The following BCAS3 variants were observed in gnomAD, a reference collection of about 807,000 sequenced individuals.
BCAS3 encodes the protein BCAS3 microtubule associated cell migration factor.
In BCAS3, 53 loss-of-function variants were observed where a neutral mutation model predicts 116.1. That is an observed-to-expected ratio of 0.46 (90% confidence interval 0.37 to 0.57). BCAS3 has a LOEUF of 0.57. Ranked by LOEUF, BCAS3 falls within the 20% of genes least tolerant of loss-of-function variation. The pLI is 0.00. For synonymous variants in BCAS3, 391 were observed against 408.2 expected, an observed-to-expected ratio of 0.96 and a Z score of 0.51; for missense variants, 917 against 1,165.4, an observed-to-expected ratio of 0.79 and a Z score of 3.10.
chr17:61,083,353 T>C lies in BCAS3; in HGVS notation c.2328-1114T>C, dbSNP rs569271165. On this transcript the variant is annotated intron_variant, in intron 21 of 23. Transcript: ENST00000407086. The surrounding 1 kb of genome is among the most constrained non-coding windows in gnomAD (Gnocchi z 4.9). ...CATATATATACACATTGGTCTGTAT[T>C]TTATGTTTTGTTTCTGCTTGTTCTC... Among the ~76,000 whole-genome samples, 4 of 118,582 alleles carry C rather than the reference T, an allele frequency of 3.4e-5. No individual in the cohort carries two copies. In the South Asian group the frequency reaches 8.5e-4, roughly 25 times the overall value. 77.8% of individuals were successfully genotyped at this position (118,582 alleles called of 152,430 possible). A position where few individuals can be genotyped will look rare whatever the true frequency, so the allele number is the denominator to read the frequency against.
In BCAS3 at chr17:61,376,842, G is replaced by A. The variant is rs1326028753; in HGVS notation, c.2593+8348G>A. On this transcript the variant is annotated intron_variant, in intron 23 of 23. Coordinates refer to ENST00000407086, the MANE Select transcript of BCAS3 (RefSeq NM_017679.5). This position sits in a 1 kb window ranked among gnomAD's most constrained non-coding sequence, Gnocchi z 4.5. ...GCCCTGGAGTTTTCCTCCTTCTACA[G>A]CATCTACAAAAGTTCTCTCAGTGTC... Among the ~76,000 whole-genome samples, 1 of 152,172 alleles carries A rather than the reference G, an allele frequency of 6.6e-6. No individual in the cohort carries two copies. Among genetic ancestry groups the A allele is most frequent in the African/African-American group, 2.4e-5 (1 of 41,436 alleles).
In BCAS3 at chr17:61,229,129, T is replaced by G. The variant is rs2082523628; in HGVS notation, c.2426-139198T>G. 6.6e-6 allele frequency among the ~76,000 whole-genome samples: 1 copy of G among 152,190 alleles called. No homozygotes were observed. The highest frequency in any genetic ancestry group is 1.5e-5 in the Non-Finnish European group (1 of 68,034). On this transcript the variant is annotated intron_variant, in intron 22 of 23. Coordinates refer to ENST00000407086, the MANE Select transcript of BCAS3 (RefSeq NM_017679.5). This position sits in a 1 kb window ranked among gnomAD's most constrained non-coding sequence, Gnocchi z 4.4. The stretch of plus-strand genomic sequence containing the variant: ...GTTGGCCTCAAGCAATCCTCTTGCC[T>G]CGGCCTCCCAAAGTGCTGGGATTAC...
At chr17:61,371,074 C>T (rs1235063643) in intron 23 of BCAS3, among the ~76,000 whole-genome samples, 1 of 152,214 alleles carries the variant, frequency 6.6e-6, no homozygotes, top group East Asian at 1.9e-4. Flanking sequence ...TAATGCTTTG[C>T]AGCAGGCACC....
chr17:60,815,956 A>G (rs964513768), intron 7 of BCAS3, among the ~76,000 whole-genome samples: 5 of 152,202 alleles, frequency 3.3e-5, no homozygotes, highest in Non-Finnish European at 7.3e-5. Flanking sequence ...CTATACGAGT[A>G]GTTATACTCA....
In BCAS3 at chr17:61,246,563, A is replaced by G. The variant is rs184889806; in HGVS notation, c.2426-121764A>G. Among the ~76,000 whole-genome samples, 316 of 151,814 alleles carry G rather than the reference A, an allele frequency of 2.1e-3. 1 individual carries two copies. The highest frequency in any genetic ancestry group is 6.9e-3 in the African/African-American group (286 of 41,366). ...TACTTCCGCAACCAACCAGAAGTCA[A>G]TGTAGGAGCCTTGGTGTTAGGTGTA... On this transcript the variant is annotated intron_variant, in intron 22 of 23. Coordinates refer to ENST00000407086, the MANE Select transcript of BCAS3 (RefSeq NM_017679.5).
In BCAS3 at chr17:61,336,039, G is replaced by A. The variant is rs566441388; in HGVS notation, c.2426-32288G>A. The stretch of plus-strand genomic sequence containing the variant: ...TTTCCATACTTTTCAGATACAGGGC[G>A]TGTCGGCTTTCCTTTCGCGCCTCCA... On this transcript the variant is annotated intron_variant, in intron 22 of 23. Coordinates refer to ENST00000407086, the MANE Select transcript of BCAS3 (RefSeq NM_017679.5). Among the ~76,000 whole-genome samples, 36 of 152,352 alleles carry A rather than the reference G, an allele frequency of 2.4e-4. 1 individual carries two copies. The South Asian group carries it at 7.5e-3, about 32-fold the overall frequency.
At chr17:60,986,556 A>G (rs1459707702) in intron 14 of BCAS3, among the ~76,000 whole-genome samples, 1 of 152,168 alleles carries the variant, frequency 6.6e-6, no homozygotes, top group Non-Finnish European at 1.5e-5. Flanking sequence ...GGGAGATGAT[A>G]TCTCATTGTA....
chr17:60,816,666 A>G (rs950075215), intron 7 of BCAS3, among the ~76,000 whole-genome samples: 1 of 152,202 alleles, frequency 6.6e-6, no homozygotes, highest in Non-Finnish European at 1.5e-5. Context: ...AAATACAGAG[A>G]TGAATCTCTA....
intron 13 of BCAS3, among the ~76,000 whole-genome samples, chr17:60,946,068 G>A (rs1039428072): frequency 2.0e-5 from 3 of 151,784 alleles, no homozygotes; most frequent in Non-Finnish European, 4.4e-5. Flanking sequence ...TGCAGTGGGC[G>A]TAGATCGCGC....
At position 61,346,545 on chromosome 17, in the gene BCAS3, T is replaced by C. The variant is rs1251788327; in HGVS notation, c.2426-21782T>C. 6.6e-6 allele frequency among the ~76,000 whole-genome samples: 1 copy of C among 152,204 alleles called. No individual in the cohort carries two copies. The highest frequency in any genetic ancestry group is 2.4e-5 in the African/African-American group (1 of 41,450). On this transcript the variant is annotated intron_variant, in intron 22 of 23. Coordinates refer to ENST00000407086, the MANE Select transcript of BCAS3 (RefSeq NM_017679.5). The surrounding 1 kb of genome is among the most constrained non-coding windows in gnomAD (Gnocchi z 5.4). ...TCAGGTGCTGTGCTGAGCATGTTCATTGAAGTCTTACTATTTTTAGTATTC... is the reference window on the plus strand; with the variant it reads ...TCAGGTGCTGTGCTGAGCATGTTCACTGAAGTCTTACTATTTTTAGTATTC...
intron 20 of BCAS3, 133 bp from the exon 21 acceptor site, chr17:61,078,200 G>A (rs1348763209): frequency 4.7e-6 from 3 of 643,052 alleles, no homozygotes; most frequent in Admixed American, 3.1e-5. Flanking sequence ...TTAATTATGG[G>A]TGTCCTATCC....
chr17:60,968,816 A>G (rs998815039), intron 14 of BCAS3, among the ~76,000 whole-genome samples: 1 of 151,872 alleles, frequency 6.6e-6, no homozygotes, highest in Admixed American at 6.6e-5. Flanking sequence ...AGGGCTAGGG[A>G]TGGTAGTCTA....
At position 61,380,468 on chromosome 17, in the gene BCAS3, G is replaced by A; in HGVS notation, c.2594-11509G>A. ...TCCTGCTCTCTTAAAGGTCCAGTTTGTGATCCGCTTTAAAGGAATATTTTA... is the reference window on the plus strand; with the variant it reads ...TCCTGCTCTCTTAAAGGTCCAGTTTATGATCCGCTTTAAAGGAATATTTTA... On this transcript the variant is annotated intron_variant, in intron 23 of 23. Coordinates refer to ENST00000407086, the MANE Select transcript of BCAS3 (RefSeq NM_017679.5). The surrounding 1 kb of genome is among the most constrained non-coding windows in gnomAD (Gnocchi z 4.2). 6.4e-7 allele frequency: 1 copy of A among 1,569,386 alleles called. No homozygotes were observed.
chr17:61,010,732 A>G (rs2065055207), intron 15 of BCAS3, among the ~76,000 whole-genome samples: 1 of 152,042 alleles, frequency 6.6e-6, no homozygotes, highest in African/African-American at 2.4e-5. Flanking sequence ...GCTTTAACTT[A>G]TTGAGAAACC....
chr17:61,236,355 T>A (rs532356153), intron 22 of BCAS3, among the ~76,000 whole-genome samples: 1 of 152,248 alleles, frequency 6.6e-6, no homozygotes, highest in African/African-American at 2.4e-5. Context: ...AGTCTCGCTC[T>A]GTCACCCAGG....
At chr17:61,009,898 A>T (rs2064990114) in intron 15 of BCAS3, among the ~76,000 whole-genome samples, 1 of 151,982 alleles carries the variant, frequency 6.6e-6, no homozygotes, top group Non-Finnish European at 1.5e-5. Flanking sequence ...CAGCCACATT[A>T]CCTGGGAGTT....
rs1226337548 is a variant in BCAS3 at position 60,962,178 on chromosome 17, TTC to T, written c.1221+14828_1221+14829del. Among the ~76,000 whole-genome samples, 2 of 152,200 alleles carry T rather than the reference TTC, an allele frequency of 1.3e-5. No individual in the cohort carries two copies. The highest frequency in any genetic ancestry group is 4.8e-5 in the African/African-American group (2 of 41,446). On this transcript the variant is annotated intron_variant, in intron 14 of 23. Transcript: ENST00000407086. This position sits in a 1 kb window ranked among gnomAD's most constrained non-coding sequence, Gnocchi z 4.4. ...CAGATATCCCCTAGATGCATTGATT[TTC>T]TTTCTTTTGGCTATATACCTGGTAG...
At chr17:61,000,532 G>C (rs895053051) in intron 15 of BCAS3, among the ~76,000 whole-genome samples, 4 of 152,018 alleles carry the variant, frequency 2.6e-5, no homozygotes, top group African/African-American at 9.7e-5. Context: ...CCTTTAAATA[G>C]TGTTTGGCAC....
At chr17:60,725,218 T>C (rs985480796) in intron 5 of BCAS3, among the ~76,000 whole-genome samples, 11 of 152,234 alleles carry the variant, frequency 7.2e-5, no homozygotes, top group Non-Finnish European at 1.6e-4. Context: ...ATACCATAGA[T>C]GTGTAGTAAT....
Sources: gnomAD v4.1 joint callset for allele counts (sites outside exome capture counted in the v4.1 genomes callset) on GRCh38, gnomAD v4.1.1 for gene constraint, Gnocchi (gnomAD v3.1) non-coding constraint, MANE v1.5 for transcripts, NCBI Gene and HGNC (gene_info 2026-07-23, HGNC 2026-07-21) for gene names.